ABTB1: variants seen among roughly 807,000 people sequenced by gnomAD.
The protein encoded by ABTB1 is ankyrin repeat and BTB domain containing 1, also known as ankyrin repeat and BTB/POZ domain-containing protein 1.
Under a neutral mutation model 57.1 loss-of-function variants are expected in ABTB1, and 45 were observed. The ratio of observed to expected loss-of-function variants is 0.79; its 90% CI spans 0.62 to 1.01. The LOEUF (loss-of-function observed/expected upper bound fraction) is 1.01, where lower values mean the gene tolerates loss of function less well. Ranked by LOEUF, ABTB1 falls within the 50% of genes least tolerant of loss-of-function variation. The pLI is 0.00. For missense variants in ABTB1, 630 were observed against 666.3 expected (o/e 0.95, Z 0.60); for synonymous variants, 302 against 275.4 (o/e 1.10, Z -0.95).
Position 127,677,830 on chromosome 3 carries a change from G to A in ABTB1, c.1016G>A (p.Ser339Asn), listed in dbSNP as rs151270208. ...ACTCACGTGCTCTACTACATGTACA[G>A]CGACCACACTGAGGTGGGGGCTCAG... ...VFTHVLYYMY[S>N]DHTELSPEAA... The change falls in exon 10 of 12, where the codon AGC becomes AAC. Residue 339 changes from serine (S) to asparagine (N), a missense_variant. Transcript: ENST00000232744. 2.5e-6 allele frequency: 4 copies of A among 1,611,910 alleles called. No homozygotes were observed. The African/African-American group carries it at 5.3e-5, about 22-fold the overall frequency.
rs766872456 is a variant in ABTB1, at chr3:127,675,933, C to T, written c.176-37C>T. 5.0e-6 allele frequency: 8 copies of T among 1,589,860 alleles called. No homozygotes were observed. The Admixed American group carries it at 1.2e-4, about 23-fold the overall frequency. ...AGGGAGATTAGAATTTCCCCCAGGCCCCTTCCCTGCTAACTGGTGAGCCCT... is the reference window on the plus strand; with the variant it reads ...AGGGAGATTAGAATTTCCCCCAGGCTCCTTCCCTGCTAACTGGTGAGCCCT... On this transcript the variant is annotated intron_variant, in intron 3 of 11. Coordinates refer to ENST00000232744, the MANE Select transcript of ABTB1 (RefSeq NM_172027.3).
In ABTB1 at chr3:127,676,229, G is replaced by A; in HGVS notation, c.321-43G>A. On this transcript the variant is annotated intron_variant, in intron 4 of 11. Coordinates refer to ENST00000232744, the MANE Select transcript of ABTB1 (RefSeq NM_172027.3). This position sits in a 1 kb window ranked among gnomAD's most constrained non-coding sequence, Gnocchi z 5.4. ...TCTGAGTGCTCCGAGGAATGGGGTGGGGCTGTGCCAAGTATCCTCCCTCCT... is the reference window on the plus strand; with the variant it reads ...TCTGAGTGCTCCGAGGAATGGGGTGAGGCTGTGCCAAGTATCCTCCCTCCT... The A allele has an allele frequency of 6.2e-7, 1 of 1,605,760 alleles. No individual in the cohort carries two copies. Among genetic ancestry groups the A allele is most frequent in the Non-Finnish European group, 8.5e-7 (1 of 1,174,154 alleles).
In ABTB1 at chr3:127,676,859, A is replaced by G; in HGVS notation, c.527-108A>G. On this transcript the variant is annotated intron_variant, in intron 6 of 11. Transcript: ENST00000232744. The surrounding 1 kb of genome is among the most constrained non-coding windows in gnomAD (Gnocchi z 5.4). ...AACCATGGTGGCAAGTGGGCCCAGG[A>G]GTCCTAGTCCTGCAGCCAGGTGGCC... The G allele has an allele frequency of 9.0e-7, 1 of 1,111,406 alleles. No homozygotes were observed. The highest frequency in any genetic ancestry group is 1.3e-6 in the Non-Finnish European group (1 of 770,450). 68.8% of individuals were successfully genotyped at this position (1,111,406 alleles called of 1,614,324 possible). A position where few individuals can be genotyped will look rare whatever the true frequency, so the allele number is the denominator to read the frequency against.
rs776863983 is a variant in ABTB1, at chr3:127,676,389, C to T, written c.438C>T (p.Thr146=). The part of the protein sequence containing the change: ...RSAYFANMLD[T]KWKGKSVVVL... ...CCTACTTTGCCAACATGCTGGACAC[C>T]AAATGGAAGGGCAAGAGTGTCGTGG... The change falls in exon 5 of 12, where the codon ACC becomes ACT. Residue 146 remains threonine, a synonymous_variant. Coordinates refer to ENST00000232744, the MANE Select transcript of ABTB1 (RefSeq NM_172027.3). The surrounding 1 kb of genome is among the most constrained non-coding windows in gnomAD (Gnocchi z 5.4). 13 of 1,614,014 alleles carry T rather than the reference C, an allele frequency of 8.1e-6. No individual in the cohort carries two copies. In the Admixed American group the frequency reaches 8.3e-5, roughly 10 times the overall value.
At position 127,677,160 on chromosome 3, in the gene ABTB1, C is replaced by T; in HGVS notation, c.644-8C>T. 1.9e-6 allele frequency: 3 copies of T among 1,613,454 alleles called. No homozygotes were observed. Among genetic ancestry groups the T allele is most frequent in the South Asian group, 1.1e-5 (1 of 91,028 alleles). ...GCCTGGCTCCCTGAAGTTGTTCTTCCCCTGTAGTGGCGTCTAAGCCAGGCA... is the reference window on the plus strand; with the variant it reads ...GCCTGGCTCCCTGAAGTTGTTCTTCTCCTGTAGTGGCGTCTAAGCCAGGCA... On this transcript the variant is annotated splice_region_variant and splice_polypyrimidine_tract_variant and intron_variant, in intron 7 of 11. Transcript: ENST00000232744.
chr3:127,676,582 G>A lies in ABTB1; in HGVS notation c.526+1G>A. 1 of 1,613,746 alleles carries A rather than the reference G, an allele frequency of 6.2e-7. No individual in the cohort carries two copies. Among genetic ancestry groups the A allele is most frequent in the Non-Finnish European group, 8.5e-7 (1 of 1,179,968 alleles). On this transcript the variant is annotated splice_donor_variant, in intron 6 of 11. Transcript: ENST00000232744. LOFTEE classifies it high-confidence loss of function. The surrounding 1 kb of genome is among the most constrained non-coding windows in gnomAD (Gnocchi z 5.4). ...GCCCTGCTGCAGTACCTGTACACAGGTGACCCCCTGGGTCCAGGGTAGGAG... is the reference window on the plus strand; with the variant it reads ...GCCCTGCTGCAGTACCTGTACACAGATGACCCCCTGGGTCCAGGGTAGGAG...
Position 127,676,674 on chromosome 3 carries a change from C to T in ABTB1, c.526+93C>T. 4.0e-6 allele frequency: 6 copies of T among 1,509,982 alleles called. No individual in the cohort carries two copies. The highest frequency in any genetic ancestry group is 5.5e-6 in the Non-Finnish European group (6 of 1,092,664). 93.5% of individuals were successfully genotyped at this position (1,509,982 alleles called of 1,614,324 possible). A position where few individuals can be genotyped will look rare whatever the true frequency, so the allele number is the denominator to read the frequency against. On this transcript the variant is annotated intron_variant, in intron 6 of 11. Transcript: ENST00000232744. The surrounding 1 kb of genome is among the most constrained non-coding windows in gnomAD (Gnocchi z 5.4). ...GTGTGGCTGGGCTGACCTTTCACCT[C>T]TAGACACTTCATGGTCCCCCCGGGG...
At position 127,679,277 on chromosome 3, in the gene ABTB1, G is replaced by A. The variant is rs1363942135; in HGVS notation, c.1030-708G>A. 1.5e-5 allele frequency: 5 copies of A among 333,844 alleles called. No individual in the cohort carries two copies. In the Admixed American group the frequency reaches 1.6e-4, roughly 11 times the overall value. The allele number at this position is 333,844 out of a possible 1,614,324, so 20.7% of individuals were successfully genotyped here. On this transcript the variant is annotated intron_variant, in intron 10 of 11. Coordinates refer to ENST00000232744, the MANE Select transcript of ABTB1 (RefSeq NM_172027.3). ...ATAGCTCTCGTCGTCACTTCCTAAG[G>A]CCTTGTGCAGATGCATGGGTTACCC...
Position 127,680,094 on chromosome 3 carries a change from CTG to C in ABTB1, c.1142_1143del (p.Val381GlyfsTer16). On this transcript the variant is annotated frameshift_variant, in exon 11 of 12. Coordinates refer to ENST00000232744, the MANE Select transcript of ABTB1 (RefSeq NM_172027.3). LOFTEE classifies it high-confidence loss of function. ...CTGGCTCAGATGCTAGACGAGGACA[CTG>C]TGGTGGGTGTGTGGCGCGTGGCCAA... The C allele has an allele frequency of 4.3e-6, 7 of 1,613,916 alleles. No individual in the cohort carries two copies. Among genetic ancestry groups the C allele is most frequent in the South Asian group, 1.1e-5 (1 of 91,090 alleles).
chr3:127,679,577 C>T (rs1485802846), intron 10 of ABTB1: 19 of 463,396 alleles, frequency 4.1e-5, no homozygotes, highest in East Asian at 3.4e-4. Context: ...TGACAGCCCC[C>T]GCAGGTAGGC....
At chr3:127,679,862 C>T in intron 10 of ABTB1, 123 bp from the exon 11 acceptor site, 2 of 911,028 alleles carry the variant, frequency 2.2e-6, no homozygotes, top group South Asian at 3.0e-5. Context: ...CAGGGAGCTC[C>T]TACTCCCACT....
In ABTB1 at chr3:127,680,714, C is replaced by T. The variant is rs754019334; in HGVS notation, c.*239C>T. ...CCCCCAAGACCCTGGGGGTGGACACCACTCAGGGAAACCTGGGGTGGGGGT... is the reference window on the plus strand; with the variant it reads ...CCCCCAAGACCCTGGGGGTGGACACTACTCAGGGAAACCTGGGGTGGGGGT... On this transcript the variant is annotated 3_prime_UTR_variant, in exon 12 of 12. Coordinates refer to ENST00000232744, the MANE Select transcript of ABTB1 (RefSeq NM_172027.3). 1.5e-6 allele frequency: 1 copy of T among 688,340 alleles called. No homozygotes were observed. The highest frequency in any genetic ancestry group is 1.6e-5 in the South Asian group (1 of 60,846). The allele number at this position is 688,340 out of a possible 1,614,324, so 42.6% of individuals were successfully genotyped here.
chr3:127,679,642 C>T (rs542835787), intron 10 of ABTB1: 1 of 505,878 alleles, frequency 2.0e-6, no homozygotes, highest in South Asian at 1.5e-5. Flanking sequence ...GGTGCAGTGA[C>T]TTGCCCAGGG....
Position 127,677,438 on chromosome 3 carries a change from G to A in ABTB1, c.763-27G>A, listed in dbSNP as rs202064202. The A allele has an allele frequency of 3.5e-5, 56 of 1,611,142 alleles. No individual in the cohort carries two copies. The African/African-American group carries it at 5.3e-4, about 15-fold the overall frequency. On this transcript the variant is annotated intron_variant, in intron 8 of 11. Transcript: ENST00000232744. ...GTTCACTTCTGTGAACAACTGCTCT[G>A]ATGGGGTCACCTCTTCTGTACCCCA...
chr3:127,672,997 C>A lies in ABTB1; in HGVS notation c.-29C>A. The A allele has an allele frequency of 3.2e-6, 5 of 1,543,038 alleles. No homozygotes were observed. Among genetic ancestry groups the A allele is most frequent in the South Asian group, 1.2e-5 (1 of 84,484 alleles). On this transcript the variant is annotated 5_prime_UTR_variant, in exon 1 of 12. Transcript: ENST00000232744. Reference sequence around the variant, plus strand: ...GGTGCGCGGCTTCGCCGCCCGAGGTCGTTCGGCTCGGGTACCATCCTCCGC... The same window carrying A: ...GGTGCGCGGCTTCGCCGCCCGAGGTAGTTCGGCTCGGGTACCATCCTCCGC...
Position 127,676,872 on chromosome 3 carries a change from C to T in ABTB1, c.527-95C>T. On this transcript the variant is annotated intron_variant, in intron 6 of 11. Coordinates refer to ENST00000232744, the MANE Select transcript of ABTB1 (RefSeq NM_172027.3). This position sits in a 1 kb window ranked among gnomAD's most constrained non-coding sequence, Gnocchi z 5.4. ...AGTGGGCCCAGGAGTCCTAGTCCTG[C>T]AGCCAGGTGGCCAGGTGGGAGGGGA... is the stretch of plus-strand genomic sequence containing the variant. 4 of 1,269,288 alleles carry T rather than the reference C, an allele frequency of 3.2e-6. No individual in the cohort carries two copies. The South Asian group carries it at 4.0e-5, about 13-fold the overall frequency. The allele number at this position is 1,269,288 out of a possible 1,614,324, so 78.6% of individuals were successfully genotyped here.
chr3:127,680,520 C>T lies in ABTB1; in HGVS notation c.*45C>T, dbSNP rs555961935. The T allele has an allele frequency of 3.4e-5, 54 of 1,589,416 alleles. No homozygotes were observed. In the South Asian group the frequency reaches 5.9e-4, roughly 17 times the overall value. On this transcript the variant is annotated 3_prime_UTR_variant, in exon 12 of 12. Transcript: ENST00000232744. ...CAGGGGCCAGGAGCTCTCTTGGAGA[C>T]AAGCATGTGTATGCGTTTGTGTGCA...
chr3:127,673,065 G>C lies in ABTB1; in HGVS notation c.40G>C (p.Asp14His), dbSNP rs1298427962. ...SDLFASCRKG[D>H]VGRVRYLLEQ... ...CCTGTTCGCCAGCTGCAGGAAGGGG[G>C]ATGTGGGCCGAGTGCGGTGAGGACC... The change falls in exon 1 of 12, where the codon GAT becomes CAT. Residue 14 changes from aspartate to histidine, a missense_variant. By Grantham distance (81) the Asp-to-His change is moderately conservative. Transcript: ENST00000232744. 7.6e-6 allele frequency: 12 copies of C among 1,574,750 alleles called. No homozygotes were observed. Among genetic ancestry groups the C allele is most frequent in the African/African-American group, 1.4e-5 (1 of 71,844 alleles).
chr3:127,677,757 G>A lies in ABTB1; in HGVS notation c.943G>A (p.Gly315Arg), dbSNP rs2075022075. The change falls in exon 10 of 12, where the codon GGG (glycine) becomes AGG (arginine). Residue 315 changes from glycine (G) to arginine (R), a missense_variant. Gly to Arg is a moderately radical substitution (Grantham distance 125). Transcript: ENST00000232744. ...AGAGAGCGAGGAGCCAGCGACCTCA[G>A]GGGGCCCCCCAGCCGTCACCCTGCA... The part of the protein sequence containing the change: ...FRESEEPATS[G>R]GPPAVTLHGI... 3.1e-6 allele frequency: 5 copies of A among 1,611,478 alleles called. No homozygotes were observed. The highest frequency in any genetic ancestry group is 4.2e-6 in the Non-Finnish European group (5 of 1,179,078).
Sources: gnomAD v4.1 joint callset for allele counts on GRCh38, gnomAD v4.1.1 for gene constraint, Gnocchi (gnomAD v3.1) non-coding constraint, MANE v1.5 for transcripts, NCBI Gene and HGNC (gene_info 2026-07-23, HGNC 2026-07-21) for gene names.